The following ODF2 variants were observed in gnomAD, a reference collection of about 807,000 sequenced individuals.
ODF2 encodes the protein outer dense fiber of sperm tails 2.
ODF2 carries 47 observed loss-of-function variants against 110.2 expected under a neutral mutation model. The ratio of observed to expected loss-of-function variants is 0.43; its 90% CI spans 0.34 to 0.54. ODF2 has a LOEUF of 0.54. Among genes scored for constraint, ODF2 ranks in the 20% least tolerant of loss-of-function variants. The pLI is 0.03. For synonymous variants in ODF2, 352 were observed against 397.7 expected (o/e 0.89, Z 1.37); for missense variants, 812 against 1,054.5 (o/e 0.77, Z 3.19).
In ODF2 at chr9:128,469,070, G is replaced by A. The variant is rs1266084783; in HGVS notation, c.250-113G>A. Reference sequence around the variant, plus strand: ...AGAGTATGTTCTTCCTGGGGTCCCCGAGTTAGCTGTTACAGCTTTTCCCGT... The same window carrying A: ...AGAGTATGTTCTTCCTGGGGTCCCCAAGTTAGCTGTTACAGCTTTTCCCGT... On this transcript the variant is annotated intron_variant, in intron 4 of 20. Transcript: ENST00000604420. The A allele has an allele frequency of 8.3e-6, 8 of 958,170 alleles. No homozygotes were observed. The East Asian group carries it at 9.7e-5, about 12-fold the overall frequency. The allele number at this position is 958,170 out of a possible 1,614,324, so 59.4% of individuals were successfully genotyped here. A position where few individuals can be genotyped will look rare whatever the true frequency, so the allele number is the denominator to read the frequency against.
rs779928447 is a variant in ODF2, at chr9:128,485,635, T to C, written c.1400+161T>C. Among the ~76,000 whole-genome samples the C allele has an allele frequency of 2.0e-3, 301 of 152,106 alleles. 4 individuals carry two copies. Among genetic ancestry groups the C allele is most frequent in the Non-Finnish European group, 9.0e-4 (61 of 68,016 alleles). ...GATGTGGGTAGCCCTGAGCTGGGCT[T>C]TCTGGTTGGAGCTGGGGTGCAAGCT... On this transcript the variant is annotated intron_variant, in intron 13 of 20. Coordinates refer to ENST00000604420, the Ensembl canonical transcript of ODF2. This position sits in a 1 kb window ranked among gnomAD's most constrained non-coding sequence, Gnocchi z 5.0.
intron 3 of ODF2, 44 bp downstream of exon 3, chr9:128,460,710 G>C (rs762361018): frequency 1.4e-5 from 22 of 1,610,586 alleles, no homozygotes; most frequent in Non-Finnish European, 1.6e-5. Flanking sequence ...GTGGATCTGG[G>C]TGATCCTGCT....
intron 4 of ODF2, among the ~76,000 whole-genome samples, chr9:128,465,499 T>C (rs1837610785): frequency 6.6e-6 from 1 of 152,116 alleles, no homozygotes; most frequent in African/African-American, 2.4e-5. Flanking sequence ...TCTCAGCACT[T>C]TGGGAGGCCA....
At chr9:128,456,536 T>G in intron 1 of ODF2, 1 of 1,527,622 alleles carries the variant, frequency 6.5e-7, no homozygotes, top group Non-Finnish European at 8.7e-7. Flanking sequence ...GGGCTTCACC[T>G]TTCTCTCTAT....
chr9:128,476,914 C>T (rs577357647), intron 8 of ODF2, among the ~76,000 whole-genome samples: 19 of 150,820 alleles, frequency 1.3e-4, no homozygotes, highest in African/African-American at 4.6e-4. Flanking sequence ...GCTGGGATTA[C>T]AGGCATGAGC....
At chr9:128,472,547 A>C (rs1473441780) in intron 6 of ODF2, among the ~76,000 whole-genome samples, 1 of 152,172 alleles carries the variant, frequency 6.6e-6, no homozygotes, top group African/African-American at 2.4e-5. Context: ...AGGTGGCCTG[A>C]CTAGCCTTGG....
At chr9:128,497,483 A>ATATG (rs1339524530) in intron 18 of ODF2, 12 of 117,836 alleles carry the variant, frequency 1.0e-4, no homozygotes, top group South Asian at 2.8e-4. Flanking sequence ...ATATATATAT[A>ATATG]TATGTATAAA....
chr9:128,496,714 T>TTATCTATCTATCTATCTATC (rs56716979), intron 18 of ODF2, among the ~76,000 whole-genome samples: 13 of 149,354 alleles, frequency 8.7e-5, no homozygotes, highest in African/African-American at 3.2e-4. Context: ...AAGGTAGAGT[T>TTATCTATCTATCTATCTATC]TATCTATCTA....
At chr9:128,486,469 A>G (rs4837272) in intron 13 of ODF2, among the ~76,000 whole-genome samples, 38,900 of 151,994 alleles carry the variant, frequency 0.26, 5,470 homozygotes, top group East Asian at 0.39. Flanking sequence ...CAGCAAACTG[A>G]TATGTTTGCT....
intron 12 of ODF2, 67 bp downstream of exon 12, chr9:128,484,953 G>A (rs1399129522): frequency 4.0e-6 from 6 of 1,504,416 alleles, no homozygotes; most frequent in Admixed American, 3.7e-5. Flanking sequence ...CAGAGGGGTG[G>A]TCAGCCAGAT....
At chr9:128,468,410 G>C (rs1588785665) in intron 4 of ODF2, among the ~76,000 whole-genome samples, 1 of 152,140 alleles carries the variant, frequency 6.6e-6, no homozygotes, top group Non-Finnish European at 1.5e-5. Context: ...TGTCACCCAG[G>C]CTGGCATGCA....
chr9:128,489,537 GT>G (rs1844106829), intron 14 of ODF2, among the ~76,000 whole-genome samples: 1 of 152,210 alleles, frequency 6.6e-6, no homozygotes, highest in Non-Finnish European at 1.5e-5. Flanking sequence ...TACTCTGCAA[GT>G]TTGTTGAGTC....
intron 8 of ODF2, among the ~76,000 whole-genome samples, chr9:128,479,734 G>C (rs929270971): frequency 6.6e-6 from 1 of 152,140 alleles, no homozygotes; most frequent in African/African-American, 2.4e-5. Flanking sequence ...TGTGGGGAGA[G>C]GTTAAAAATG....
intron 5 of ODF2, among the ~76,000 whole-genome samples, chr9:128,470,002 AAAAAAAAAAAAAAAAAATATATAT>A (rs1839355754): frequency 2.6e-5 from 1 of 39,080 alleles, no homozygotes; most frequent in Non-Finnish European, 4.7e-5. Flanking sequence ...AAAAAAAAAA[AAAAAAAAAAAAAAAAAATATATAT>A]ATATATATAT....
intron 16 of ODF2, among the ~76,000 whole-genome samples, 159 bp downstream of exon 16, chr9:128,492,964 C>T (rs906981134): frequency 2.6e-5 from 4 of 151,868 alleles, no homozygotes; most frequent in Admixed American, 2.6e-4. Context: ...TACCCTGTGC[C>T]TCTCTCTCCT....
chr9:128,468,261 CATA>C (rs1838809462), intron 4 of ODF2, among the ~76,000 whole-genome samples: 1 of 152,178 alleles, frequency 6.6e-6, no homozygotes, highest in South Asian at 2.1e-4. Context: ...AGACTTTTGA[CATA>C]TTTCATTTCT....
At position 128,457,259 on chromosome 9, in the gene ODF2, A is replaced by G. The variant is rs755950119; in HGVS notation, c.-147A>G. On this transcript the variant is annotated 5_prime_UTR_variant, in exon 2 of 21. Transcript: ENST00000604420. ...CTCCCAAGTTTTCATCCAACTGCCA[A>G]CCCCAAAGCTTCCACCCTTCTCCCC... The G allele has an allele frequency of 5.0e-6, 8 of 1,597,814 alleles. No individual in the cohort carries two copies. In the East Asian group the frequency reaches 1.3e-4, roughly 27 times the overall value.
At chr9:128,499,750 C>T (rs555007956) in intron 20 of ODF2, among the ~76,000 whole-genome samples, 2 of 152,286 alleles carry the variant, frequency 1.3e-5, no homozygotes, top group South Asian at 2.1e-4. Context: ...GCTAGGACTA[C>T]AGGCGCACAC....
At position 128,456,602 on chromosome 9, in the gene ODF2, C is replaced by T. The variant is rs1195558258; in HGVS notation, c.-209+347C>T. 6 of 1,520,598 alleles carry T rather than the reference C, an allele frequency of 3.9e-6. No individual in the cohort carries two copies. In the Admixed American group the frequency reaches 6.0e-5, roughly 15 times the overall value. 94.2% of individuals were successfully genotyped at this position (1,520,598 alleles called of 1,614,324 possible). On this transcript the variant is annotated intron_variant, in intron 1 of 20. Transcript: ENST00000604420. The stretch of plus-strand genomic sequence containing the variant: ...GTGGGTGGCCGTCCCTTCTCTCCGC[C>T]GACAGAGGCTCTCCCTCGCTCTGCT...
Sources: gnomAD v4.1 joint callset for allele counts (sites outside exome capture counted in the v4.1 genomes callset) on GRCh38, gnomAD v4.1.1 for gene constraint, Gnocchi (gnomAD v3.1) non-coding constraint, MANE v1.5 for transcripts, NCBI Gene and HGNC (gene_info 2026-07-23, HGNC 2026-07-21) for gene names.